INPP5A: variants seen among roughly 807,000 people sequenced by gnomAD.
INPP5A encodes the protein 43 kDa inositol polyphosphate 5-phophatase.
A neutral mutation model predicts 65.2 loss-of-function variants in INPP5A; 14 were observed. The ratio of observed to expected loss-of-function variants is 0.21; its 90% CI spans 0.14 to 0.34. INPP5A has a LOEUF of 0.34. Ranked by LOEUF, INPP5A falls within the 10% of genes least tolerant of loss-of-function variation. The probability of loss-of-function intolerance (pLI) is 1.00; values close to 1 mark genes in which losing one functional copy is unlikely to be tolerated. For synonymous variants in INPP5A, 207 were observed against 208.3 expected (o/e 0.99, Z 0.05); for missense variants, 431 against 545.6 (o/e 0.79, Z 2.09).
At chr10:132,708,071 A>G (rs770666606) in intron 6 of INPP5A, among the ~76,000 whole-genome samples, 26 of 152,014 alleles carry the variant, frequency 1.7e-4, no homozygotes, top group Admixed American at 2.0e-4. Context: ...ACGTTTCTTC[A>G]TATCTTCCCC....
chr10:132,677,862 G>A (rs1052832560), intron 4 of INPP5A, among the ~76,000 whole-genome samples: 2 of 152,202 alleles, frequency 1.3e-5, no homozygotes, highest in Non-Finnish European at 1.5e-5. Flanking sequence ...GCAGAATGCC[G>A]GCTTCCACGG....
chr10:132,719,228 G>C (rs1845810905), intron 8 of INPP5A, among the ~76,000 whole-genome samples: 1 of 149,768 alleles, frequency 6.7e-6, no homozygotes, highest in African/African-American at 2.5e-5. Context: ...CTGTCTTGGG[G>C]GTTCTGTGGT....
At chr10:132,622,031 A>G (rs921279525) in intron 2 of INPP5A, among the ~76,000 whole-genome samples, 5 of 152,220 alleles carry the variant, frequency 3.3e-5, no homozygotes, top group Non-Finnish European at 2.9e-5. Context: ...AAACTTTACT[A>G]TTACTATTAA....
intron 1 of INPP5A, among the ~76,000 whole-genome samples, chr10:132,597,121 A>G (rs532906944): frequency 3.6e-5 from 5 of 138,690 alleles, no homozygotes; most frequent in African/African-American, 5.5e-5. Context: ...GTGCATGGGT[A>G]TGTGCACGTG....
chr10:132,652,088 C>T (rs1477121883), intron 4 of INPP5A, among the ~76,000 whole-genome samples: 11 of 152,184 alleles, frequency 7.2e-5, no homozygotes, highest in African/African-American at 2.7e-4. Flanking sequence ...TTCTTTCTCT[C>T]AGCTCTGCCA....
chr10:132,723,049 C>T (rs972721103), intron 8 of INPP5A, among the ~76,000 whole-genome samples: 2 of 152,204 alleles, frequency 1.3e-5, no homozygotes, highest in African/African-American at 2.4e-5. Flanking sequence ...GAGGCAGCTG[C>T]TGTTATTAAT....
At chr10:132,756,612 C>T (rs1368275567) in intron 11 of INPP5A, among the ~76,000 whole-genome samples, 1 of 152,230 alleles carries the variant, frequency 6.6e-6, no homozygotes, top group Non-Finnish European at 1.5e-5. Context: ...GTCTGGCACA[C>T]TCAGGGATGC....
intron 2 of INPP5A, among the ~76,000 whole-genome samples, chr10:132,614,430 G>C (rs1459094908): frequency 6.6e-6 from 1 of 152,184 alleles, no homozygotes; most frequent in Non-Finnish European, 1.5e-5. Context: ...TTGCACCACT[G>C]TACTCCAGCC....
chr10:132,760,197 A>G (rs1013343884), intron 11 of INPP5A, among the ~76,000 whole-genome samples: 6 of 152,232 alleles, frequency 3.9e-5, no homozygotes, highest in Non-Finnish European at 7.4e-5. Flanking sequence ...CAGCCCCAGC[A>G]GCCCCAGGCC....
intron 1 of INPP5A, among the ~76,000 whole-genome samples, chr10:132,572,561 C>A (rs2071358855): frequency 6.6e-6 from 1 of 151,988 alleles, no homozygotes; most frequent in Admixed American, 6.5e-5. Flanking sequence ...AGCAGCGTGA[C>A]CCAGGGCTCT....
chr10:132,549,029 G>A lies in INPP5A; in HGVS notation c.75+10858G>A, dbSNP rs2071017860. On this transcript the variant is annotated intron_variant, in intron 1 of 15. Transcript: ENST00000368594. The surrounding 1 kb of genome is among the most constrained non-coding windows in gnomAD (Gnocchi z 4.9). Reference sequence around the variant, plus strand: ...GCTGGTCTCGAATTCCTGGCCTCAAGTGATCCTCCCACCTTGGCCTCCCAA... The same window carrying A: ...GCTGGTCTCGAATTCCTGGCCTCAAATGATCCTCCCACCTTGGCCTCCCAA... Among the ~76,000 whole-genome samples, 1 of 152,050 alleles carries A rather than the reference G, an allele frequency of 6.6e-6. No individual in the cohort carries two copies. Among genetic ancestry groups the A allele is most frequent in the African/African-American group, 2.4e-5 (1 of 41,410 alleles).
intron 1 of INPP5A, among the ~76,000 whole-genome samples, chr10:132,596,961 GTGCGTGTGTGCA>G (rs770991113): frequency 5.3e-5 from 8 of 151,752 alleles, no homozygotes; most frequent in East Asian, 3.9e-4. Context: ...GCACACATGT[GTGCGTGTGTGCA>G]TGCGTGTGTG....
intron 9 of INPP5A, among the ~76,000 whole-genome samples, chr10:132,744,531 G>A (rs1013618176): frequency 3.3e-5 from 5 of 152,134 alleles, no homozygotes; most frequent in African/African-American, 9.7e-5. Flanking sequence ...TTTCAATACC[G>A]GCTCCTTTAG....
At position 132,545,759 on chromosome 10, in the gene INPP5A, G is replaced by A. The variant is rs948187207; in HGVS notation, c.75+7588G>A. On this transcript the variant is annotated intron_variant, in intron 1 of 15. Transcript: ENST00000368594. The surrounding 1 kb of genome is among the most constrained non-coding windows in gnomAD (Gnocchi z 4.6). The stretch of plus-strand genomic sequence containing the variant: ...CTCAGAGGCTCTGGAGCCCCAAGTC[G>A]CACCCCACCAGGTCTGGTTGGTGCT... Among the ~76,000 whole-genome samples the A allele has an allele frequency of 3.3e-5, 5 of 152,210 alleles. No homozygotes were observed. Among genetic ancestry groups the A allele is most frequent in the African/African-American group, 1.2e-4 (5 of 41,460 alleles).
rs1339908336 is a variant in INPP5A at position 132,692,314 on chromosome 10, TGCA to T, written c.370+1862_370+1864del. 2.6e-5 allele frequency among the ~76,000 whole-genome samples: 4 copies of T among 151,886 alleles called. No individual in the cohort carries two copies. In the East Asian group the frequency reaches 7.8e-4, roughly 29 times the overall value. On this transcript the variant is annotated intron_variant, in intron 5 of 15. Transcript: ENST00000368594. ...AGACCTGTGAAACAGCGACAACAGG[TGCA>T]GCTTGTAAAGGGAACCCCAGTAGGA...
At chr10:132,760,769 C>T (rs1846718352) in intron 11 of INPP5A, among the ~76,000 whole-genome samples, 1 of 152,228 alleles carries the variant, frequency 6.6e-6, no homozygotes, top group Non-Finnish European at 1.5e-5. Context: ...CCCATCTGCA[C>T]AGCTGGGCCT....
chr10:132,741,154 G>A lies in INPP5A; in HGVS notation c.733-8363G>A, dbSNP rs1410428900. 2.0e-5 allele frequency among the ~76,000 whole-genome samples: 3 copies of A among 152,178 alleles called. No homozygotes were observed. Among genetic ancestry groups the A allele is most frequent in the African/African-American group, 7.2e-5 (3 of 41,442 alleles). On this transcript the variant is annotated intron_variant, in intron 9 of 15. Coordinates refer to ENST00000368594, the MANE Select transcript of INPP5A (RefSeq NM_005539.5). The surrounding 1 kb of genome is among the most constrained non-coding windows in gnomAD (Gnocchi z 4.4). The stretch of plus-strand genomic sequence containing the variant: ...AGGCTGAGGCGGGAGGATTGCTTGA[G>A]CCCGGAGGTCGAGGCTGCAGTGAGC...
intron 2 of INPP5A, among the ~76,000 whole-genome samples, chr10:132,619,552 C>T (rs1285984715): frequency 6.6e-6 from 1 of 152,172 alleles, no homozygotes; most frequent in Non-Finnish European, 1.5e-5. Context: ...CTCACAGATC[C>T]ACTATGCAGT....
intron 12 of INPP5A, among the ~76,000 whole-genome samples, chr10:132,767,667 G>A (rs1185562290): frequency 6.6e-6 from 1 of 152,158 alleles, no homozygotes; most frequent in Non-Finnish European, 1.5e-5. Flanking sequence ...AGACACACGG[G>A]CCCCCAGAGA....
Sources: allele counts gnomAD v4.1 joint callset (sites outside exome capture counted in the v4.1 genomes callset), GRCh38; gene constraint gnomAD v4.1.1; non-coding constraint Gnocchi (gnomAD v3.1); transcripts MANE v1.5; gene names NCBI Gene and HGNC (gene_info 2026-07-23, HGNC 2026-07-21).